KIAA1671: variants seen among roughly 807,000 people sequenced by gnomAD.
KIAA1671 encodes KIAA1671, also known as uncharacterized protein KIAA1671.
Under a neutral mutation model 131.2 loss-of-function variants are expected in KIAA1671, and 52 were observed. That is an observed-to-expected ratio of 0.40 (90% confidence interval 0.32 to 0.50). The LOEUF (loss-of-function observed/expected upper bound fraction) is 0.50. Among genes scored for constraint, KIAA1671 ranks in the 20% least tolerant of loss-of-function variants. The pLI, the probability that KIAA1671 is intolerant of heterozygous loss-of-function variation, is 0.73. For missense variants in KIAA1671, 2,360 were observed against 2,364.2 expected (o/e 1.00, Z 0.04); for synonymous variants, 1,003 against 961.6 (o/e 1.04, Z -0.80).
Position 25,027,993 on chromosome 22 carries a change from C to T in KIAA1671, c.-7C>T. On this transcript the variant is annotated 5_prime_UTR_variant, in exon 3 of 13. Coordinates refer to ENST00000358431, the MANE Select transcript of KIAA1671 (RefSeq NM_001145206.2). Reference sequence around the variant, plus strand: ...TTCCTAACCCCCATGAATCCACAACCATAACCATGGCCACGCGGGTCGAGG... The same window carrying T: ...TTCCTAACCCCCATGAATCCACAACTATAACCATGGCCACGCGGGTCGAGG... 1 of 1,469,784 alleles carries T rather than the reference C, an allele frequency of 6.8e-7. No homozygotes were observed. The highest frequency in any genetic ancestry group is 9.0e-7 in the Non-Finnish European group (1 of 1,106,610). 91.0% of individuals were successfully genotyped at this position (1,469,784 alleles called of 1,614,324 possible). A position where few individuals can be genotyped will look rare whatever the true frequency, so the allele number is the denominator to read the frequency against.
intron 1 of KIAA1671, among the ~76,000 whole-genome samples, chr22:24,998,717 CAAA>C (rs34109303): frequency 7.9e-5 from 6 of 76,158 alleles, no homozygotes; most frequent in Admixed American, 1.4e-4. Context: ...GACTCTGTCT[CAAA>C]AAAAAAAAAA....
intron 6 of KIAA1671, chr22:25,060,090 A>G (rs1928080031): frequency 6.6e-6 from 1 of 152,202 alleles, no homozygotes; most frequent in South Asian, 2.1e-4. Context: ...GTGGGGAGGA[A>G]GGAGCTTCCC....
intron 1 of KIAA1671, among the ~76,000 whole-genome samples, chr22:24,984,753 A>G (rs917695128): frequency 3.3e-5 from 5 of 151,990 alleles, no homozygotes; most frequent in African/African-American, 1.2e-4. Context: ...CTCTACTAAA[A>G]ATGCAAAAAA....
intron 6 of KIAA1671, among the ~76,000 whole-genome samples, chr22:25,067,240 C>G (rs988706216): frequency 1.4e-4 from 22 of 152,008 alleles, no homozygotes; most frequent in Admixed American, 9.8e-4. Flanking sequence ...TAGATTGGCT[C>G]TGTCTCCACC....
At chr22:25,038,615 A>C (rs2145803667) in intron 4 of KIAA1671, 145 bp from the exon 5 acceptor site, 1 of 891,694 alleles carries the variant, frequency 1.1e-6, no homozygotes, top group African/African-American at 1.7e-5. Context: ...ATCCTCACCC[A>C]CACTGGGTGT....
chr22:24,964,342 A>AAAAC (rs138056243), intron 1 of KIAA1671, among the ~76,000 whole-genome samples: 2,485 of 152,244 alleles, frequency 0.016, 61 homozygotes, highest in African/African-American at 0.056. Context: ...AAAAAAACAA[A>AAAAC]AAACAAACCC....
At chr22:24,974,685 C>A (rs1922820345) in intron 1 of KIAA1671, among the ~76,000 whole-genome samples, 2 of 81,270 alleles carry the variant, frequency 2.5e-5, no homozygotes, top group African/African-American at 5.3e-5. Context: ...CAGCTCACCT[C>A]TTTTTTTTTT....
intron 6 of KIAA1671, chr22:25,052,466 TAC>T (rs1185378776): frequency 1.3e-5 from 2 of 152,326 alleles, no homozygotes; most frequent in African/African-American, 4.8e-5. Flanking sequence ...GCCTAACACT[TAC>T]TATCGTTACA....
intron 1 of KIAA1671, among the ~76,000 whole-genome samples, chr22:24,983,697 C>A (rs1027384547): frequency 8.0e-6 from 1 of 125,698 alleles, no homozygotes; most frequent in African/African-American, 3.1e-5. Context: ...GGCACAGAGG[C>A]CTGTGTGACT....
chr22:25,047,461 C>G (rs1430007207), intron 5 of KIAA1671, among the ~76,000 whole-genome samples: 1 of 135,806 alleles, frequency 7.4e-6, no homozygotes, highest in African/African-American at 2.9e-5. Flanking sequence ...TGCCTGGCCT[C>G]TTTTCCTTTT....
rs577953925 is a variant in KIAA1671 at position 24,979,354 on chromosome 22, A to ATT, written c.-208+26584_-208+26585dup. ...ATTTATTTTATTTATTTATTTATTT[A>ATT]TTTATTTTTTTTTGAGACGGAGTCT... On this transcript the variant is annotated intron_variant, in intron 1 of 12. Coordinates refer to ENST00000358431, the MANE Select transcript of KIAA1671 (RefSeq NM_001145206.2). Among the ~76,000 whole-genome samples, 542 of 117,806 alleles carry ATT rather than the reference A, an allele frequency of 4.6e-3. 3 individuals carry two copies. The highest frequency in any genetic ancestry group is 0.016 in the African/African-American group (463 of 28,558). 77.3% of individuals were successfully genotyped at this position (117,806 alleles called of 152,430 possible).
intron 6 of KIAA1671, among the ~76,000 whole-genome samples, chr22:25,123,337 T>A (rs1327950052): frequency 3.3e-5 from 5 of 151,700 alleles, no homozygotes; most frequent in African/African-American, 1.2e-4. Context: ...GGATTACAGG[T>A]ACGTGCCAAC....
intron 1 of KIAA1671, among the ~76,000 whole-genome samples, chr22:24,990,550 C>A (rs73879185): frequency 0.036 from 5,491 of 152,310 alleles, 316 homozygotes; most frequent in African/African-American, 0.12. Flanking sequence ...TGTGCGCCCA[C>A]GCCAGCAGCA....
At chr22:25,019,591 T>TCCA (rs1338504485) in intron 1 of KIAA1671, among the ~76,000 whole-genome samples, 5 of 150,418 alleles carry the variant, frequency 3.3e-5, no homozygotes, top group Non-Finnish European at 7.4e-5. Context: ...AACCCAGGTC[T>TCCA]CCAACATGTT....
intron 6 of KIAA1671, among the ~76,000 whole-genome samples, chr22:25,094,587 C>T (rs1204883158): frequency 3.3e-5 from 5 of 152,174 alleles, no homozygotes; most frequent in East Asian, 1.9e-4. Flanking sequence ...GCATAACCCC[C>T]GGGCCTTCCT....
At chr22:25,148,340 C>A (rs956013510) in intron 6 of KIAA1671, among the ~76,000 whole-genome samples, 1 of 151,658 alleles carries the variant, frequency 6.6e-6, no homozygotes, top group Non-Finnish European at 1.5e-5. Flanking sequence ...ACAGTCCCAG[C>A]GCTCCCTCAG....
At chr22:25,008,367 T>G (rs1355599689) in intron 1 of KIAA1671, among the ~76,000 whole-genome samples, 2 of 152,024 alleles carry the variant, frequency 1.3e-5, no homozygotes, top group Non-Finnish European at 2.9e-5. Flanking sequence ...TGTAAATCAC[T>G]TTGCCTTTCC....
chr22:24,966,569 T>C (rs1167770532), intron 1 of KIAA1671, among the ~76,000 whole-genome samples: 1 of 152,236 alleles, frequency 6.6e-6, no homozygotes, highest in Admixed American at 6.5e-5. Context: ...CTTGTCTTTG[T>C]TTCTAGAATG....
chr22:25,117,873 A>T (rs1352781628), intron 6 of KIAA1671, among the ~76,000 whole-genome samples: 1 of 151,718 alleles, frequency 6.6e-6, no homozygotes, highest in African/African-American at 2.4e-5. Context: ...GGGTGTGGTG[A>T]CTCACCTGTA....
Sources: gnomAD v4.1 joint callset for allele counts (sites outside exome capture counted in the v4.1 genomes callset) on GRCh38, gnomAD v4.1.1 for gene constraint, MANE v1.5 for transcripts, NCBI Gene and HGNC (gene_info 2026-07-23, HGNC 2026-07-21) for gene names.